IMMP1L: variants seen among roughly 807,000 people sequenced by gnomAD.
IMMP1L encodes the protein mitochondrial inner membrane protease subunit 1.
IMMP1L carries 24 observed loss-of-function variants against 21.8 expected under a neutral mutation model. The observed-to-expected ratio is 1.10, with a 90% CI of 0.80 to 1.55. The LOEUF is 1.55. Ranked by LOEUF, IMMP1L falls within the 40% of genes most tolerant of loss-of-function variation. The probability of loss-of-function intolerance (pLI) is 0.00; values close to 1 mark genes in which losing one functional copy is unlikely to be tolerated. For missense variants in IMMP1L, 195 were observed against 200.7 expected (o/e 0.97, Z 0.17); for synonymous variants, 46 against 62.8 (o/e 0.73, Z 1.26).
At chr11:31,456,501 C>T in intron 3 of IMMP1L, 115 bp from the exon 4 acceptor site, 1 of 683,918 alleles carries the variant, frequency 1.5e-6, no homozygotes. Flanking sequence ...CCTTTATCCT[C>T]TCATATACTT....
At chr11:31,480,831 T>C (rs1224859947) in intron 1 of IMMP1L, among the ~76,000 whole-genome samples, 1 of 152,060 alleles carries the variant, frequency 6.6e-6, no homozygotes, top group Non-Finnish European at 1.5e-5. Flanking sequence ...TGCAATGATA[T>C]TCAGTCTGAG....
rs149908464 is a variant in IMMP1L, at chr11:31,441,511, C to T, written c.322-7941G>A. 9.7e-3 allele frequency among the ~76,000 whole-genome samples: 1,468 copies of T among 152,084 alleles called. 66 individuals carry two copies. The highest frequency in any genetic ancestry group is 0.083 in the Admixed American group (1,261 of 15,272). On this transcript the variant is annotated intron_variant, in intron 4 of 5. Transcript: ENST00000532287. Reference sequence around the variant, plus strand: ...CCAAGAACACATTTAAACAAACATACAGTAAAACACATTTTTTGGTTTGGG... The same window carrying T: ...CCAAGAACACATTTAAACAAACATATAGTAAAACACATTTTTTGGTTTGGG...
chr11:31,472,885 A>C (rs1485653012), intron 1 of IMMP1L, among the ~76,000 whole-genome samples: 1 of 151,480 alleles, frequency 6.6e-6, no homozygotes, highest in Non-Finnish European at 1.5e-5. Flanking sequence ...TTTTTTTTTG[A>C]GATGGAGTGT....
intron 4 of IMMP1L, among the ~76,000 whole-genome samples, chr11:31,454,803 G>A (rs1296973488): frequency 2.0e-5 from 3 of 152,074 alleles, no homozygotes; most frequent in Non-Finnish European, 4.4e-5. Flanking sequence ...CAACAACAAT[G>A]ATATGGCATT....
chr11:31,472,213 A>T (rs919096000), intron 1 of IMMP1L, among the ~76,000 whole-genome samples: 18 of 152,374 alleles, frequency 1.2e-4, no homozygotes, highest in Admixed American at 1.0e-3. Flanking sequence ...TCTGGAGATT[A>T]GGATGCAGAC....
chr11:31,496,476 T>A lies in IMMP1L; in HGVS notation c.-30+13043A>T, dbSNP rs115629580. Reference sequence around the variant, plus strand: ...AATCCAGCAATTCCATTGTATGGTATATACCCAAAGGAAATGAAAACAGAG... The same window carrying A: ...AATCCAGCAATTCCATTGTATGGTAAATACCCAAAGGAAATGAAAACAGAG... On this transcript the variant is annotated intron_variant, in intron 1 of 5. Coordinates refer to ENST00000532287, the MANE Select transcript of IMMP1L (RefSeq NM_001304274.2). Among the ~76,000 whole-genome samples, 83 of 152,250 alleles carry A rather than the reference T, an allele frequency of 5.5e-4. 1 individual carries two copies. Among genetic ancestry groups the A allele is most frequent in the African/African-American group, 1.8e-3 (76 of 41,562 alleles).
chr11:31,463,556 A>C (rs531999291), intron 1 of IMMP1L, among the ~76,000 whole-genome samples: 1 of 152,282 alleles, frequency 6.6e-6, no homozygotes, highest in Non-Finnish European at 1.5e-5. Context: ...TAATTAGTAG[A>C]TTATAAACTA....
chr11:31,506,216 A>G (rs1027271034), intron 1 of IMMP1L, among the ~76,000 whole-genome samples: 21 of 151,612 alleles, frequency 1.4e-4, no homozygotes, highest in Non-Finnish European at 2.5e-4. Context: ...GAACGCACCT[A>G]AACATATAAC....
At chr11:31,507,777 T>C (rs764793683) in intron 1 of IMMP1L, among the ~76,000 whole-genome samples, 3 of 152,196 alleles carry the variant, frequency 2.0e-5, no homozygotes, top group Non-Finnish European at 2.9e-5. Flanking sequence ...CTGACTATAG[T>C]TAATAATCAT....
chr11:31,433,715 G>T, intron 4 of IMMP1L, 145 bp from the exon 5 acceptor site: 1 of 447,938 alleles, frequency 2.2e-6, no homozygotes, highest in Non-Finnish European at 3.9e-6. Flanking sequence ...TTGCATTTTT[G>T]CTTTTATTTC....
chr11:31,489,579 T>C (rs934536838), intron 1 of IMMP1L, among the ~76,000 whole-genome samples: 35 of 150,090 alleles, frequency 2.3e-4, no homozygotes, highest in South Asian at 6.4e-4. Flanking sequence ...GCATTACTTA[T>C]CATCTTTTGC....
At chr11:31,467,478 A>G (rs551646915) in intron 1 of IMMP1L, among the ~76,000 whole-genome samples, 3 of 152,302 alleles carry the variant, frequency 2.0e-5, no homozygotes, top group Admixed American at 6.5e-5. Context: ...AATGTGGGAC[A>G]ATATAAGCCT....
intron 1 of IMMP1L, among the ~76,000 whole-genome samples, chr11:31,487,764 A>G (rs1473632135): frequency 2.0e-5 from 3 of 152,216 alleles, no homozygotes; most frequent in African/African-American, 7.2e-5. Flanking sequence ...TCAAAGGTTC[A>G]CCACCTAGAA....
At chr11:31,485,552 C>T (rs1955043709) in intron 1 of IMMP1L, among the ~76,000 whole-genome samples, 1 of 151,812 alleles carries the variant, frequency 6.6e-6, no homozygotes, top group African/African-American at 2.4e-5. Flanking sequence ...TTTTAAAATG[C>T]TAGCACACAT....
chr11:31,464,189 G>A (rs1021604747), intron 1 of IMMP1L, among the ~76,000 whole-genome samples: 2 of 151,428 alleles, frequency 1.3e-5, no homozygotes, highest in Non-Finnish European at 2.9e-5. Flanking sequence ...ATCTCTGTAA[G>A]ATAGATATTA....
intron 1 of IMMP1L, among the ~76,000 whole-genome samples, chr11:31,478,119 C>T (rs950420859): frequency 6.6e-6 from 1 of 152,184 alleles, no homozygotes; most frequent in Non-Finnish European, 1.5e-5. Context: ...AAGATTAGAA[C>T]TTTGCATAAT....
intron 3 of IMMP1L, among the ~76,000 whole-genome samples, chr11:31,460,100 G>T (rs1326937131): frequency 6.6e-6 from 1 of 151,928 alleles, no homozygotes; most frequent in African/African-American, 2.4e-5. Context: ...GAGGCTGCAG[G>T]GAGCTGAGAT....
intron 1 of IMMP1L, among the ~76,000 whole-genome samples, chr11:31,508,206 C>A (rs567772305): frequency 1.3e-5 from 2 of 152,162 alleles, no homozygotes; most frequent in Non-Finnish European, 2.9e-5. Flanking sequence ...TGATATTGGA[C>A]TGCTTTGTCA....
chr11:31,483,417 G>A (rs1464258751), intron 1 of IMMP1L, among the ~76,000 whole-genome samples: 1 of 151,970 alleles, frequency 6.6e-6, no homozygotes, highest in African/African-American at 2.4e-5. Context: ...TAATCCAAGG[G>A]AGAAAACTGA....
Sources: allele counts gnomAD v4.1 joint callset (sites outside exome capture counted in the v4.1 genomes callset), GRCh38; gene constraint gnomAD v4.1.1; transcripts MANE v1.5; gene names NCBI Gene and HGNC (gene_info 2026-07-23, HGNC 2026-07-21).